Variants in CEP85 observed in about 807,000 individuals in gnomAD.
The protein encoded by CEP85 is centrosomal protein of 85 kDa.
Under a neutral mutation model 93.7 loss-of-function variants are expected in CEP85, and 58 were observed. The ratio of observed to expected loss-of-function variants is 0.62; its 90% CI spans 0.50 to 0.77. CEP85 has a LOEUF of 0.77. Among genes scored for constraint, CEP85 ranks in the 30% least tolerant of loss-of-function variants. The pLI is 0.00. For synonymous variants in CEP85, 314 were observed against 338.6 expected, an observed-to-expected ratio of 0.93 and a Z score of 0.80; for missense variants, 868 against 922.0, an observed-to-expected ratio of 0.94 and a Z score of 0.76.
Position 26,277,257 on chromosome 1 carries a change from T to C in CEP85, c.2250T>C (p.Tyr750=). ...EDLRTTMSDR[Y]AQDMGENCVT... is the part of the protein sequence containing the mutation. ...TAAGGACCACCATGTCAGACAGATA[T>C]GCCCAGGACATGGGAGAAAACTGTG... Residue 750 remains tyrosine (Y), a synonymous_variant, in exon 14 of 14, where the codon TAT becomes TAC. Transcript: ENST00000451429. 2 of 1,614,134 alleles carry C rather than the reference T, an allele frequency of 1.2e-6. No homozygotes were observed. The highest frequency in any genetic ancestry group is 1.7e-6 in the Non-Finnish European group (2 of 1,179,980).
Position 26,246,022 on chromosome 1 carries a change from G to A in CEP85, c.208+1704G>A, listed in dbSNP as rs568200603. ...TCAATCACTTTGTTACACAGGTTGC[G>A]TGTGTGACTCCGTTTTTTATTCCTC... On this transcript the variant is annotated intron_variant, in intron 3 of 13. Transcript: ENST00000451429. Among the ~76,000 whole-genome samples the A allele has an allele frequency of 4.6e-5, 7 of 152,032 alleles. No individual in the cohort carries two copies. The East Asian group carries it at 9.7e-4, about 21-fold the overall frequency.
chr1:26,240,310 A>G (rs193154613), intron 2 of CEP85, among the ~76,000 whole-genome samples: 29 of 152,284 alleles, frequency 1.9e-4, no homozygotes, highest in African/African-American at 6.5e-4. Flanking sequence ...TATTAAATAT[A>G]TACAGTCCTT....
chr1:26,267,908 T>C (rs1165641786), intron 7 of CEP85, among the ~76,000 whole-genome samples: 1 of 152,180 alleles, frequency 6.6e-6, no homozygotes, highest in Non-Finnish European at 1.5e-5. Flanking sequence ...CCCACTCCTG[T>C]CCAATTCAGG....
intron 11 of CEP85, among the ~76,000 whole-genome samples, chr1:26,273,901 A>AAAT (rs60960910): frequency 0.43 from 61,040 of 141,276 alleles, 14,329 homozygotes; most frequent in Non-Finnish European, 0.52. Context: ...ACCCCATCTC[A>AAAT]AAATAAATAA....
rs1311080639 is a variant in CEP85, at chr1:26,239,805, C to G, written c.22C>G (p.Pro8Ala). ...ATTGATGGCCATGCAGGAGAAATAT[C>G]CAACTGAGGGGATCTCTCACGTCAC... MAMQEKY[P>A]TEGISHVTSP... Residue 8 changes from proline to alanine, a missense_variant, in exon 2 of 14, where the codon CCA becomes GCA. Coordinates refer to ENST00000451429, the MANE Select transcript of CEP85 (RefSeq NM_001319944.2). The G allele has an allele frequency of 6.2e-7, 1 of 1,613,672 alleles. No individual in the cohort carries two copies. The highest frequency in any genetic ancestry group is 1.3e-5 in the African/African-American group (1 of 74,994).
At chr1:26,248,963 C>G (rs1011786873) in intron 3 of CEP85, among the ~76,000 whole-genome samples, 1 of 151,984 alleles carries the variant, frequency 6.6e-6, no homozygotes, top group Non-Finnish European at 1.5e-5. Flanking sequence ...CCTGACCTCA[C>G]GATCTGCCCA....
In CEP85 at chr1:26,256,928, G is replaced by GGTGTGTGTGTGT. The variant is rs71004573; in HGVS notation, c.904-652_904-641dup. ...TCCTTTTTTTGTTTTGTTTTGTTTT[G>GGTGTGTGTGTGT]GTGTGTGTGTGTGTGTGTGTGTGTG... On this transcript the variant is annotated intron_variant, in intron 4 of 13. Coordinates refer to ENST00000451429, the MANE Select transcript of CEP85 (RefSeq NM_001319944.2). Among the ~76,000 whole-genome samples, 380 of 111,476 alleles carry GGTGTGTGTGTGT rather than the reference G, an allele frequency of 3.4e-3. 1 individual carries two copies. Among genetic ancestry groups the GGTGTGTGTGTGT allele is most frequent in the South Asian group, 6.6e-3 (23 of 3,506 alleles). The allele number at this position is 111,476 out of a possible 152,430, so 73.1% of individuals were successfully genotyped here.
intron 7 of CEP85, among the ~76,000 whole-genome samples, chr1:26,262,297 ACT>A (rs1025124727): frequency 2.0e-5 from 3 of 149,676 alleles, no homozygotes; most frequent in East Asian, 1.9e-4. Flanking sequence ...ACAGAGCAAG[ACT>A]CTGTCTCAAA....
At chr1:26,256,945 G>GTGTGTGTGTGTGTGTGTA (rs2089714988) in intron 4 of CEP85, among the ~76,000 whole-genome samples, 1 of 150,024 alleles carries the variant, frequency 6.7e-6, no homozygotes, top group Non-Finnish European at 1.5e-5. Context: ...GTGTGTGTGT[G>GTGTGTGTGTGTGTGTGTA]TGTGTGTGTG....
rs766663970 is a variant in CEP85, at chr1:26,255,256, T to G, written c.294T>G (p.Thr98=). ...TIPTAHVMPS[T]LGTSPAKPNS... is the part of the protein sequence containing the mutation. ...CAACAGCCCATGTGATGCCTTCTAC[T>G]TTAGGGACCTCTCCTGCCAAGCCAA... The change falls in exon 4 of 14, where the codon ACT becomes ACG. Residue 98 remains threonine (T), a synonymous_variant. Transcript: ENST00000451429. 2.5e-6 allele frequency: 4 copies of G among 1,614,042 alleles called. No homozygotes were observed. The highest frequency in any genetic ancestry group is 2.2e-5 in the East Asian group (1 of 44,898).
In CEP85 at chr1:26,269,470, C is replaced by T. The variant is rs1188497347; in HGVS notation, c.1505C>T (p.Ser502Phe). Residue 502 changes from serine (S) to phenylalanine (F), a missense_variant, in exon 9 of 14, where the codon TCT becomes TTT. Physicochemically the swap from Ser to Phe is radical, Grantham distance 155. Coordinates refer to ENST00000451429, the MANE Select transcript of CEP85 (RefSeq NM_001319944.2). ...HQKQSQQLKDSELKSTELQEK... is the reference protein window; with the variant it reads ...HQKQSQQLKDFELKSTELQEK... ...GATCCTGTCTCTCAGCTTAAGGATT[C>T]TGAGTTGAAGAGCACAGAGCTGCAG... 29 of 1,613,960 alleles carry T rather than the reference C, an allele frequency of 1.8e-5. No homozygotes were observed. Among genetic ancestry groups the T allele is most frequent in the Non-Finnish European group, 2.5e-5 (29 of 1,179,896 alleles).
At chr1:26,252,770 C>T (rs948982484) in intron 3 of CEP85, among the ~76,000 whole-genome samples, 3 of 152,002 alleles carry the variant, frequency 2.0e-5, no homozygotes, top group African/African-American at 7.3e-5. Context: ...TTTTATATAT[C>T]CCCAAGATCA....
intron 4 of CEP85, among the ~76,000 whole-genome samples, chr1:26,256,930 T>G (rs78702579): frequency 1.5e-5 from 2 of 135,624 alleles, no homozygotes; most frequent in African/African-American, 6.7e-5. Flanking sequence ...TTTGTTTTGG[T>G]GTGTGTGTGT....
chr1:26,261,397 A>G (rs1471319418), intron 7 of CEP85, among the ~76,000 whole-genome samples: 1 of 152,050 alleles, frequency 6.6e-6, no homozygotes, highest in Non-Finnish European at 1.5e-5. Flanking sequence ...ACTTTAACCC[A>G]GGAGGCGGAA....
rs764994566 is a variant in CEP85, at chr1:26,255,462, C to T, written c.500C>T (p.Ala167Val). The change falls in exon 4 of 14, where the codon GCA becomes GTA. Residue 167 changes from alanine to valine, a missense_variant. Physicochemically the swap from Ala to Val is moderately conservative, Grantham distance 64. Transcript: ENST00000451429. ...GGAATTGAGCAGTCCTGGTTTCCAG[C>T]AGTGGGCCATGAAAGACAAGAAGAG... ...ENGIEQSWFP[A>V]VGHERQEEAR... is the part of the protein sequence containing the mutation. The T allele has an allele frequency of 6.2e-7, 1 of 1,614,124 alleles. No homozygotes were observed. The highest frequency in any genetic ancestry group is 2.2e-5 in the East Asian group (1 of 44,888).
intron 2 of CEP85, 37 bp from the exon 3 acceptor site, chr1:26,244,129 G>A (rs750093846): frequency 1.2e-6 from 2 of 1,601,178 alleles, no homozygotes; most frequent in East Asian, 2.2e-5. Context: ...TACATCAGCT[G>A]GTTCACAGTA....
chr1:26,252,764 A>G (rs563894447), intron 3 of CEP85, among the ~76,000 whole-genome samples: 1 of 152,082 alleles, frequency 6.6e-6, no homozygotes. Context: ...GTGGCCTTTT[A>G]TATATCCCCA....
At position 26,277,388 on chromosome 1, in the gene CEP85, G is replaced by C. The variant is rs2090069187; in HGVS notation, c.*95G>C. 6.9e-6 allele frequency: 9 copies of C among 1,308,798 alleles called. No individual in the cohort carries two copies. The highest frequency in any genetic ancestry group is 9.6e-6 in the Non-Finnish European group (9 of 937,600). 81.1% of individuals were successfully genotyped at this position (1,308,798 alleles called of 1,614,324 possible). On this transcript the variant is annotated 3_prime_UTR_variant, in exon 14 of 14. Coordinates refer to ENST00000451429, the MANE Select transcript of CEP85 (RefSeq NM_001319944.2). Reference sequence around the variant, plus strand: ...GACATTCTCTTGTCTGCTATTCCCAGAGAGGTCTCAGAGGGGAGGGGAGAG... The same window carrying C: ...GACATTCTCTTGTCTGCTATTCCCACAGAGGTCTCAGAGGGGAGGGGAGAG...
At chr1:26,260,261 C>T (rs1027703123) in intron 7 of CEP85, among the ~76,000 whole-genome samples, 2 of 152,104 alleles carry the variant, frequency 1.3e-5, no homozygotes, top group African/African-American at 4.8e-5. Context: ...GAGGCTGAAA[C>T]GGGTGGATCA....
Sources: allele counts gnomAD v4.1 joint callset (sites outside exome capture counted in the v4.1 genomes callset), GRCh38; gene constraint gnomAD v4.1.1; transcripts MANE v1.5; gene names NCBI Gene and HGNC (gene_info 2026-07-23, HGNC 2026-07-21).